Variants in CLVS2 observed in about 807,000 individuals in gnomAD.
The protein encoded by CLVS2 is clavesin 2.
Under a neutral mutation model 29.0 loss-of-function variants are expected in CLVS2, and 19 were observed. The observed-to-expected ratio is 0.66, with a 90% confidence interval of 0.46 to 0.96. The LOEUF is 0.96. CLVS2 is among the 40% of genes least tolerant of loss of function. CLVS2 has a pLI of 0.00. For synonymous variants in CLVS2, 161 were observed against 151.3 expected (o/e 1.06, Z -0.47); for missense variants, 294 against 404.1 (o/e 0.73, Z 2.34).
chr6:123,020,559 G>T (rs545464903), intron 3 of CLVS2, among the ~76,000 whole-genome samples: 1 of 151,986 alleles, frequency 6.6e-6, no homozygotes, highest in Admixed American at 6.6e-5. Context: ...AGAGTTTCAC[G>T]ATAAAGTCTT....
intron 3 of CLVS2, among the ~76,000 whole-genome samples, chr6:123,021,314 C>T (rs1214365322): frequency 6.6e-6 from 1 of 151,948 alleles, no homozygotes; most frequent in Non-Finnish European, 1.5e-5. Flanking sequence ...TTGTAGGTAG[C>T]TGAAATCTCT....
chr6:123,026,692 C>G (rs1438901231), intron 3 of CLVS2, among the ~76,000 whole-genome samples: 2 of 151,998 alleles, frequency 1.3e-5, no homozygotes, highest in African/African-American at 4.8e-5. Context: ...ATATAAAATC[C>G]CAAATATCAT....
At chr6:123,041,772 A>G (rs1355910516) in intron 3 of CLVS2, among the ~76,000 whole-genome samples, 2 of 152,190 alleles carry the variant, frequency 1.3e-5, no homozygotes, top group Admixed American at 1.3e-4. Flanking sequence ...AAATTTAAAC[A>G]ATAGCTGGCA....
chr6:122,998,217 G>T, intron 2 of CLVS2, 51 bp downstream of exon 2: 1 of 1,551,178 alleles, frequency 6.4e-7, no homozygotes, highest in Non-Finnish European at 8.7e-7. Context: ...CCATTTTCCA[G>T]AATTTACCCC....
At chr6:123,038,064 C>A (rs897145893) in intron 3 of CLVS2, among the ~76,000 whole-genome samples, 1 of 152,152 alleles carries the variant, frequency 6.6e-6, no homozygotes, top group Non-Finnish European at 1.5e-5. Context: ...TCCAGACAAA[C>A]AGTTTTGACA....
At chr6:123,048,587 A>G in intron 3 of CLVS2, 35 bp from the exon 4 acceptor site, 1 of 1,385,228 alleles carries the variant, frequency 7.2e-7, no homozygotes, top group Non-Finnish European at 1.0e-6. Context: ...CTATTAAAGC[A>G]TATTTTGATT....
At chr6:123,038,592 C>A (rs1266760408) in intron 3 of CLVS2, among the ~76,000 whole-genome samples, 1 of 152,142 alleles carries the variant, frequency 6.6e-6, no homozygotes. Flanking sequence ...TCTATTATTA[C>A]ACAAATTTAA....
At chr6:123,012,471 G>T (rs1473069749) in intron 3 of CLVS2, among the ~76,000 whole-genome samples, 1 of 151,476 alleles carries the variant, frequency 6.6e-6, no homozygotes, top group East Asian at 2.0e-4. Flanking sequence ...AAGGACTGGA[G>T]AACTCATATT....
chr6:123,039,571 T>C (rs1775199792), intron 3 of CLVS2, among the ~76,000 whole-genome samples: 1 of 152,206 alleles, frequency 6.6e-6, no homozygotes, highest in Non-Finnish European at 1.5e-5. Flanking sequence ...TCACATTCTC[T>C]AGGCTATTTT....
chr6:123,067,983 T>C lies in CLVS2; in HGVS notation c.*4222T>C, dbSNP rs1409025720. ...AAGAAGCTTGGCTTTGTAACATTAT[T>C]ATATTATGATCTCAATGGCTTAGAG... is the stretch of plus-strand genomic sequence containing the variant. On this transcript the variant is annotated 3_prime_UTR_variant, in exon 6 of 6. Transcript: ENST00000275162. 3 of 151,744 alleles carry C rather than the reference T, an allele frequency of 2.0e-5. No individual in the cohort carries two copies. Among genetic ancestry groups the C allele is most frequent in the Non-Finnish European group, 4.4e-5 (3 of 67,706 alleles). 9.4% of individuals were successfully genotyped at this position (151,744 alleles called of 1,614,324 possible). A position where few individuals can be genotyped will look rare whatever the true frequency, so the allele number is the denominator to read the frequency against.
rs1274956281 is a variant in CLVS2 at position 123,069,982 on chromosome 6, T to G, written c.*6221T>G. The G allele has an allele frequency of 7.9e-5, 12 of 151,994 alleles. No homozygotes were observed. The highest frequency in any genetic ancestry group is 4.4e-5 in the Non-Finnish European group (3 of 67,924). 9.4% of individuals were successfully genotyped at this position (151,994 alleles called of 1,614,324 possible). ...AAAAAAATCCTATGTTATACATATA[T>G]GAACATAATTCACTTAGTTGCATAT... On this transcript the variant is annotated 3_prime_UTR_variant, in exon 6 of 6. Coordinates refer to ENST00000275162, the MANE Select transcript of CLVS2 (RefSeq NM_001010852.4).
At chr6:123,045,845 G>A (rs531169372) in intron 3 of CLVS2, among the ~76,000 whole-genome samples, 1 of 152,252 alleles carries the variant, frequency 6.6e-6, no homozygotes, top group South Asian at 2.1e-4. Flanking sequence ...GCTTTTATGA[G>A]TGAGAAGTGA....
At chr6:123,063,620 C>A in intron 5 of CLVS2, 54 bp from the exon 6 acceptor site, 1 of 982,982 alleles carries the variant, frequency 1.0e-6, no homozygotes, top group South Asian at 1.4e-5. Flanking sequence ...GAGAGAATGT[C>A]ATCTGCACAA....
chr6:123,057,877 C>A (rs146633209), intron 5 of CLVS2, among the ~76,000 whole-genome samples: 4 of 152,136 alleles, frequency 2.6e-5, no homozygotes, highest in Non-Finnish European at 5.9e-5. Flanking sequence ...CTAAGGGGTT[C>A]ATGGATGGGC....
chr6:123,061,705 C>T lies in CLVS2; in HGVS notation c.897-1969C>T, dbSNP rs1772780991. ...ATGTCATATTCTCTAATATTGTTTT[C>T]AAAAACAGTCAGGAAACACACAGAC... On this transcript the variant is annotated intron_variant, in intron 5 of 5. Transcript: ENST00000275162. Among the ~76,000 whole-genome samples, 4 of 152,044 alleles carry T rather than the reference C, an allele frequency of 2.6e-5. No individual in the cohort carries two copies. The South Asian group carries it at 6.2e-4, about 24-fold the overall frequency.
chr6:123,021,990 G>T (rs1020881455), intron 3 of CLVS2, among the ~76,000 whole-genome samples: 5 of 151,998 alleles, frequency 3.3e-5, no homozygotes, highest in African/African-American at 1.2e-4. Flanking sequence ...GGATTTTCCA[G>T]TTTCTTTAGC....
intron 4 of CLVS2, among the ~76,000 whole-genome samples, chr6:123,055,603 G>A (rs908832328): frequency 1.3e-5 from 2 of 152,124 alleles, no homozygotes; most frequent in Non-Finnish European, 2.9e-5. Flanking sequence ...TAAAGTGTCT[G>A]AGCCTCAGGA....
chr6:123,056,509 A>G lies in CLVS2; in HGVS notation c.896+483A>G, dbSNP rs558189344. Among the ~76,000 whole-genome samples the G allele has an allele frequency of 2.6e-5, 4 of 152,282 alleles. No individual in the cohort carries two copies. The South Asian group carries it at 8.3e-4, about 32-fold the overall frequency. On this transcript the variant is annotated intron_variant, in intron 5 of 5. Coordinates refer to ENST00000275162, the MANE Select transcript of CLVS2 (RefSeq NM_001010852.4). ...CCATCACATTGTATTCCATAACTAT[A>G]TGCAATTATCTGTCAATTAAGGAAA...
At chr6:123,058,819 TTTTTTA>T (rs1438508578) in intron 5 of CLVS2, among the ~76,000 whole-genome samples, 1 of 151,988 alleles carries the variant, frequency 6.6e-6, no homozygotes, top group African/African-American at 2.4e-5. Context: ...GACTAGTTAA[TTTTTTA>T]TTTTTATTTT....
Sources: allele counts gnomAD v4.1 joint callset (sites outside exome capture counted in the v4.1 genomes callset), GRCh38; gene constraint gnomAD v4.1.1; transcripts MANE v1.5; gene names NCBI Gene and HGNC (gene_info 2026-07-23, HGNC 2026-07-21).